Variants in NKAIN3 observed in about 807,000 individuals in gnomAD.
NKAIN3 encodes sodium/potassium transporting ATPase interacting 3.
A neutral mutation model predicts 30.2 loss-of-function variants in NKAIN3; 25 were observed. That is an observed-to-expected ratio of 0.83 (90% CI 0.60 to 1.16). NKAIN3 has a LOEUF of 1.16. Among genes scored for constraint, NKAIN3 ranks in the 50% most tolerant of loss-of-function variants. The pLI is 0.00. For missense variants in NKAIN3, 225 were observed against 254.1 expected, an observed-to-expected ratio of 0.89 and a Z score of 0.78; for synonymous variants, 91 against 89.6, an observed-to-expected ratio of 1.02 and a Z score of -0.09.
intron 1 of NKAIN3, among the ~76,000 whole-genome samples, chr8:62,345,305 GTATA>G (rs1383526415): frequency 8.3e-6 from 1 of 120,314 alleles, no homozygotes; most frequent in African/African-American, 3.2e-5. Flanking sequence ...ACATATATAT[GTATA>G]TATACACACA....
chr8:62,365,614 C>T (rs1816711229), intron 1 of NKAIN3, among the ~76,000 whole-genome samples: 2 of 152,068 alleles, frequency 1.3e-5, no homozygotes, highest in African/African-American at 4.8e-5. Flanking sequence ...TGTACACATG[C>T]TACAAGAATT....
At chr8:62,638,761 C>G (rs1240872551) in intron 3 of NKAIN3, among the ~76,000 whole-genome samples, 1 of 152,114 alleles carries the variant, frequency 6.6e-6, no homozygotes, top group African/African-American at 2.4e-5. Context: ...ATATTCCTTC[C>G]CTAAACCCCA....
intron 1 of NKAIN3, among the ~76,000 whole-genome samples, chr8:62,416,643 T>C (rs1163121404): frequency 2.0e-5 from 3 of 152,186 alleles, no homozygotes; most frequent in Non-Finnish European, 2.9e-5. Flanking sequence ...CTCAAGTATT[T>C]ATCCTTTGTG....
chr8:62,571,765 G>A (rs982777903), intron 1 of NKAIN3, among the ~76,000 whole-genome samples: 2 of 152,150 alleles, frequency 1.3e-5, no homozygotes, highest in African/African-American at 4.8e-5. Flanking sequence ...AAGGCTTGGG[G>A]CTTGCACCCT....
chr8:62,846,498 C>T (rs939846595), intron 4 of NKAIN3, among the ~76,000 whole-genome samples: 1 of 152,026 alleles, frequency 6.6e-6, no homozygotes, highest in African/African-American at 2.4e-5. Context: ...CACCCTCCAA[C>T]AGGTCCCATG....
chr8:62,439,513 G>A (rs1234298201), intron 1 of NKAIN3, among the ~76,000 whole-genome samples: 1 of 152,192 alleles, frequency 6.6e-6, no homozygotes, highest in Admixed American at 6.5e-5. Flanking sequence ...TTTCCTTTAA[G>A]TGTCTCTGCA....
chr8:62,601,113 T>C (rs1810972273), intron 3 of NKAIN3, among the ~76,000 whole-genome samples: 1 of 152,084 alleles, frequency 6.6e-6, no homozygotes, highest in East Asian at 1.9e-4. Flanking sequence ...TTGTCTTTTA[T>C]AAACATTCAA....
At chr8:62,780,969 C>T (rs893123257) in intron 4 of NKAIN3, among the ~76,000 whole-genome samples, 4 of 151,938 alleles carry the variant, frequency 2.6e-5, no homozygotes, top group African/African-American at 9.7e-5. Context: ...AAGAAAAGGC[C>T]TCCAAATTGG....
chr8:62,826,580 T>C (rs959638736), intron 4 of NKAIN3, among the ~76,000 whole-genome samples: 2 of 152,184 alleles, frequency 1.3e-5, no homozygotes, highest in Non-Finnish European at 2.9e-5. Context: ...TGATTTTAAA[T>C]GGATGAACGT....
chr8:62,870,259 T>TCTATATATATATATATATATAG (rs1563603986), intron 4 of NKAIN3, among the ~76,000 whole-genome samples: 1 of 77,878 alleles, frequency 1.3e-5, no homozygotes, highest in Non-Finnish European at 2.7e-5. Flanking sequence ...TCTATATATA[T>TCTATATATATATATATATATAG]ATCTATATAT....
At chr8:62,850,776 C>T (rs538097225) in intron 4 of NKAIN3, among the ~76,000 whole-genome samples, 13 of 152,130 alleles carry the variant, frequency 8.5e-5, no homozygotes, top group African/African-American at 1.9e-4. Context: ...AGATATGCAG[C>T]GTTATTTCTG....
chr8:62,437,578 G>A (rs1016300067), intron 1 of NKAIN3, among the ~76,000 whole-genome samples: 2 of 152,164 alleles, frequency 1.3e-5, no homozygotes, highest in Non-Finnish European at 2.9e-5. Context: ...TGCAAGGAAA[G>A]GGCTATGAAA....
chr8:62,497,771 G>T (rs146950539), intron 1 of NKAIN3, among the ~76,000 whole-genome samples: 3 of 152,082 alleles, frequency 2.0e-5, no homozygotes, highest in Non-Finnish European at 4.4e-5. Context: ...TGACTCTGAG[G>T]CCCTTGAAGT....
chr8:62,864,060 C>T (rs1372690314), intron 4 of NKAIN3: 2 of 686,808 alleles, frequency 2.9e-6, no homozygotes, highest in East Asian at 5.4e-5. Flanking sequence ...CCTGAATGGG[C>T]AACACTTTCC....
intron 1 of NKAIN3, among the ~76,000 whole-genome samples, chr8:62,493,751 G>T (rs1280637834): frequency 6.6e-6 from 1 of 152,098 alleles, no homozygotes; most frequent in East Asian, 1.9e-4. Flanking sequence ...TGCCTCTGTT[G>T]TTAGCTGTAC....
intron 1 of NKAIN3, among the ~76,000 whole-genome samples, chr8:62,561,331 G>A (rs1236937928): frequency 6.6e-6 from 1 of 152,128 alleles, no homozygotes; most frequent in Non-Finnish European, 1.5e-5. Context: ...GATGTACTTA[G>A]CAAGAGGACT....
chr8:62,275,621 A>G (rs1812925312), intron 1 of NKAIN3, among the ~76,000 whole-genome samples: 1 of 152,218 alleles, frequency 6.6e-6, no homozygotes, highest in Admixed American at 6.5e-5. Context: ...TGTGAAACAT[A>G]GCTAAATGTT....
chr8:62,458,764 T>C (rs958915071), intron 1 of NKAIN3, among the ~76,000 whole-genome samples: 1 of 152,198 alleles, frequency 6.6e-6, no homozygotes, highest in South Asian at 2.1e-4. Flanking sequence ...CTTCCCAATA[T>C]CTAAAGTTTA....
At chr8:62,742,668 C>T (rs1175974157) in intron 3 of NKAIN3, among the ~76,000 whole-genome samples, 1 of 152,188 alleles carries the variant, frequency 6.6e-6, no homozygotes, top group African/African-American at 2.4e-5. Context: ...AATCATCACA[C>T]AGTAGTCTAT....
Sources: allele counts gnomAD v4.1 joint callset (sites outside exome capture counted in the v4.1 genomes callset), GRCh38; gene constraint gnomAD v4.1.1; transcripts MANE v1.5; gene names NCBI Gene and HGNC (gene_info 2026-07-23, HGNC 2026-07-21).